CSMD3: variants seen among roughly 807,000 people sequenced by gnomAD.
CSMD3 encodes the protein CUB and Sushi multiple domains 3, also known as CUB and sushi domain-containing protein 3.
In CSMD3, 177 loss-of-function variants were observed where a neutral mutation model predicts 435.2. The observed-to-expected ratio is 0.41, with a 90% confidence interval of 0.36 to 0.46. CSMD3 has a LOEUF of 0.46. Among genes scored for constraint, CSMD3 ranks in the 20% least tolerant of loss-of-function variants. The pLI is 0.34. For synonymous variants in CSMD3, 1,656 were observed against 1,520.5 expected (o/e 1.09, Z -2.07); for missense variants, 4,265 against 4,504.6 (o/e 0.95, Z 1.52).
At chr8:112,374,824 A>G (rs1033008652) in intron 38 of CSMD3, among the ~76,000 whole-genome samples, 14 of 152,202 alleles carry the variant, frequency 9.2e-5, no homozygotes, top group African/African-American at 3.4e-4. Context: ...CACAGATTGC[A>G]TAAATATCCT....
intron 35 of CSMD3, among the ~76,000 whole-genome samples, chr8:112,397,672 T>C (rs1830968953): frequency 6.6e-6 from 1 of 152,192 alleles, no homozygotes; most frequent in Non-Finnish European, 1.5e-5. Flanking sequence ...CTCTGGGGTC[T>C]CTTTCATAAG....
At chr8:112,946,214 T>C (rs1012593567) in intron 9 of CSMD3, among the ~76,000 whole-genome samples, 2 of 151,836 alleles carry the variant, frequency 1.3e-5, no homozygotes, top group African/African-American at 4.8e-5. Context: ...TTTGTATTAA[T>C]AGAGTACTTA....
rs1443416729 is a variant in CSMD3, at chr8:112,409,013, T to C, written c.5415A>G (p.Val1805=). 8.7e-6 allele frequency: 14 copies of C among 1,613,012 alleles called. No homozygotes were observed. In the East Asian group the frequency reaches 8.9e-5, roughly 10 times the overall value. ...CATCGTGGAGTGATGTCTGGAAAAA[T>C]ACAAACTGGCCAAACACCACTGATC... ...PKEFVVFGQF[V]FFQTSLHDVV... The change falls in exon 33 of 71, where the codon GTA becomes GTG. Residue 1805 remains valine, a synonymous_variant. Transcript: ENST00000297405.
chr8:112,631,972 T>G (rs2074527508), intron 22 of CSMD3, among the ~76,000 whole-genome samples: 1 of 152,004 alleles, frequency 6.6e-6, no homozygotes, highest in South Asian at 2.1e-4. Flanking sequence ...ATATCTGCAA[T>G]GCTGACTAAC....
intron 10 of CSMD3, among the ~76,000 whole-genome samples, chr8:112,904,825 T>A (rs781634564): frequency 6.6e-6 from 1 of 151,232 alleles, no homozygotes; most frequent in Admixed American, 6.6e-5. Context: ...CATTAAAGAT[T>A]TGGGACAAGT....
intron 9 of CSMD3, among the ~76,000 whole-genome samples, chr8:112,927,814 A>G (rs1019980902): frequency 2.6e-5 from 4 of 152,120 alleles, no homozygotes; most frequent in African/African-American, 9.6e-5. Flanking sequence ...TCCGATACAA[A>G]GAGAATTCAA....
At chr8:112,327,956 A>T (rs1823665310) in intron 45 of CSMD3, among the ~76,000 whole-genome samples, 1 of 152,226 alleles carries the variant, frequency 6.6e-6, no homozygotes, top group African/African-American at 2.4e-5. Context: ...CTTCTATTCA[A>T]TGCGCTATTA....
chr8:112,654,818 G>A (rs2075216538), intron 18 of CSMD3, among the ~76,000 whole-genome samples: 1 of 152,152 alleles, frequency 6.6e-6, no homozygotes, highest in Admixed American at 6.5e-5. Flanking sequence ...ACTGGGTAAA[G>A]GATACAGCAA....
chr8:112,842,196 T>G (rs2132535658), intron 11 of CSMD3, among the ~76,000 whole-genome samples: 1 of 151,896 alleles, frequency 6.6e-6, no homozygotes, highest in East Asian at 1.9e-4. Context: ...CCACTAACTC[T>G]AAGGTTGTCA....
At chr8:113,109,827 T>C (rs2090585292) in intron 4 of CSMD3, among the ~76,000 whole-genome samples, 1 of 152,204 alleles carries the variant, frequency 6.6e-6, no homozygotes, top group Non-Finnish European at 1.5e-5. Context: ...AGGGCAGTTT[T>C]CTTTCTGAGT....
chr8:113,001,586 C>T (rs1252900017), intron 6 of CSMD3, among the ~76,000 whole-genome samples: 4 of 152,032 alleles, frequency 2.6e-5, no homozygotes, highest in African/African-American at 4.8e-5. Context: ...TATTCCAGCC[C>T]CTTCCATTTT....
At chr8:112,836,801 T>C (rs2080038452) in intron 11 of CSMD3, among the ~76,000 whole-genome samples, 2 of 151,800 alleles carry the variant, frequency 1.3e-5, no homozygotes, top group South Asian at 2.1e-4. Context: ...GTTTCCCATA[T>C]GTAAACTGAA....
rs1587784247 is a variant in CSMD3 at position 112,966,969 on chromosome 8, T to C, written c.1342+8868A>G. Among the ~76,000 whole-genome samples, 5 of 151,940 alleles carry C rather than the reference T, an allele frequency of 3.3e-5. No individual in the cohort carries two copies. In the South Asian group the frequency reaches 1.0e-3, roughly 31 times the overall value. On this transcript the variant is annotated intron_variant, in intron 7 of 70. Transcript: ENST00000297405. ...AGGAATAGACAGTGTTGGGACTGTG[T>C]GATAAATGTTGTTCTCTCTCCATGA... is the stretch of plus-strand genomic sequence containing the variant.
chr8:112,888,337 A>G (rs2081671282), intron 10 of CSMD3, among the ~76,000 whole-genome samples: 2 of 151,648 alleles, frequency 1.3e-5, no homozygotes, highest in African/African-American at 4.8e-5. Context: ...GGAGATTGAT[A>G]GGATCTGGCT....
At chr8:113,071,277 G>T (rs1391938753) in intron 5 of CSMD3, among the ~76,000 whole-genome samples, 1 of 151,968 alleles carries the variant, frequency 6.6e-6, no homozygotes, top group Admixed American at 6.6e-5. Flanking sequence ...TCGTTCTGCA[G>T]CAGGGAGTTT....
At chr8:112,785,640 G>C (rs1236494590) in intron 13 of CSMD3, among the ~76,000 whole-genome samples, 1 of 151,848 alleles carries the variant, frequency 6.6e-6, no homozygotes, top group Admixed American at 6.6e-5. Flanking sequence ...ATCAAGACAA[G>C]TGAACAATCT....
chr8:112,543,861 G>C (rs1334794461), intron 27 of CSMD3, among the ~76,000 whole-genome samples: 1 of 152,082 alleles, frequency 6.6e-6, no homozygotes, highest in Non-Finnish European at 1.5e-5. Flanking sequence ...GAAAATATGG[G>C]AAAGACACAC....
intron 66 of CSMD3, among the ~76,000 whole-genome samples, chr8:112,239,590 T>C (rs563679384): frequency 5.9e-5 from 9 of 152,230 alleles, no homozygotes; most frequent in African/African-American, 1.9e-4. Context: ...GGAAATAATT[T>C]TAACCAGTTC....
At chr8:112,878,070 A>T (rs2081339281) in intron 10 of CSMD3, among the ~76,000 whole-genome samples, 1 of 152,200 alleles carries the variant, frequency 6.6e-6, no homozygotes, top group Non-Finnish European at 1.5e-5. Flanking sequence ...GACAAATGGG[A>T]TCTAATTAAA....
Sources: gnomAD v4.1 joint callset for allele counts (sites outside exome capture counted in the v4.1 genomes callset) on GRCh38, gnomAD v4.1.1 for gene constraint, MANE v1.5 for transcripts, NCBI Gene and HGNC (gene_info 2026-07-23, HGNC 2026-07-21) for gene names.